The following DGKE variants were observed in gnomAD, a reference collection of about 807,000 sequenced individuals.
The protein encoded by DGKE is DAG kinase epsilon.
In DGKE, 53 loss-of-function variants were observed where a neutral mutation model predicts 70.0. That is an observed-to-expected ratio of 0.76 (90% CI 0.61 to 0.95). The LOEUF (loss-of-function observed/expected upper bound fraction) is 0.95. Among genes scored for constraint, DGKE ranks in the 40% least tolerant of loss-of-function variants. DGKE has a pLI of 0.00. For missense variants in DGKE, 655 were observed against 706.9 expected, an observed-to-expected ratio of 0.93 and a Z score of 0.83; for synonymous variants, 291 against 257.0, an observed-to-expected ratio of 1.13 and a Z score of -1.27.
chr17:56,848,613 T>G, intron 5 of DGKE, 83 bp from the exon 6 acceptor site: 1 of 1,368,126 alleles, frequency 7.3e-7, no homozygotes. Context: ...CCTTACTGTT[T>G]TGGTCTTATT....
Position 56,862,945 on chromosome 17 carries a change from C to T in DGKE, c.*154C>T. The T allele has an allele frequency of 2.0e-6, 1 of 508,314 alleles. No homozygotes were observed. Among genetic ancestry groups the T allele is most frequent in the Non-Finnish European group, 3.1e-6 (1 of 319,948 alleles). 31.5% of individuals were successfully genotyped at this position (508,314 alleles called of 1,614,324 possible). On this transcript the variant is annotated 3_prime_UTR_variant, in exon 12 of 12. Transcript: ENST00000284061. ...ATTTTTGTAAATAGCATCCCCAAAC[C>T]AGCCAGCCTTCAGTTATTTACAAAT... is the stretch of plus-strand genomic sequence containing the variant.
At chr17:56,848,193 T>C in intron 5 of DGKE, 128 bp downstream of exon 5, 1 of 563,984 alleles carries the variant, frequency 1.8e-6, no homozygotes, top group Non-Finnish European at 2.4e-6. Context: ...AGTCTCGCAC[T>C]GTCACCCAGG....
intron 5 of DGKE, 24 bp downstream of exon 5, chr17:56,848,089 C>A: frequency 2.1e-6 from 3 of 1,447,134 alleles, no homozygotes; most frequent in Non-Finnish European, 1.8e-6. Context: ...AGAACTACTA[C>A]AGAAGGACTT....
At chr17:56,840,391 T>TG (rs1906900149) in intron 2 of DGKE, among the ~76,000 whole-genome samples, 1 of 151,920 alleles carries the variant, frequency 6.6e-6, no homozygotes, top group Non-Finnish European at 1.5e-5. Flanking sequence ...TTGTTGTTGT[T>TG]TTTTGAGACA....
rs752251498 is a variant in DGKE, at chr17:56,861,782, T to C, written c.1285-9T>C. The C allele has an allele frequency of 6.2e-7, 1 of 1,611,172 alleles. No individual in the cohort carries two copies. The highest frequency in any genetic ancestry group is 1.7e-5 in the Admixed American group (1 of 58,734). ...CCTGTAGTCACTATCTATTTGTATT[T>C]CTTTAAAGCTAGAACTGGATGGTGA... On this transcript the variant is annotated splice_polypyrimidine_tract_variant and intron_variant, in intron 9 of 11. Coordinates refer to ENST00000284061, the MANE Select transcript of DGKE (RefSeq NM_003647.3).
Position 56,843,555 on chromosome 17 carries a change from T to C in DGKE, c.465-464T>C, listed in dbSNP as rs577118854. On this transcript the variant is annotated intron_variant, in intron 2 of 11. Coordinates refer to ENST00000284061, the MANE Select transcript of DGKE (RefSeq NM_003647.3). ...CTCACTCCAGCAATCCCAGCACTTA[T>C]GGGAGGCCGAGGTGGGTGGATCATT... 6.6e-4 allele frequency among the ~76,000 whole-genome samples: 101 copies of C among 152,178 alleles called. 1 individual carries two copies. Among genetic ancestry groups the C allele is most frequent in the Middle Eastern group, 6.8e-3 (2 of 292 alleles).
chr17:56,865,553 G>A lies in DGKE; in HGVS notation c.*2762G>A, dbSNP rs1344416332. On this transcript the variant is annotated 3_prime_UTR_variant, in exon 12 of 12. Coordinates refer to ENST00000284061, the MANE Select transcript of DGKE (RefSeq NM_003647.3). ...CTGCTAGTAAAGTTACATGATTTAG[G>A]TGTGTTTTAGGTTTTCTGCAACAAT... 2.0e-5 allele frequency: 3 copies of A among 152,108 alleles called. No individual in the cohort carries two copies. Among genetic ancestry groups the A allele is most frequent in the Non-Finnish European group, 4.4e-5 (3 of 68,004 alleles). The allele number at this position is 152,108 out of a possible 1,614,324, so 9.4% of individuals were successfully genotyped here. A position where few individuals can be genotyped will look rare whatever the true frequency, so the allele number is the denominator to read the frequency against.
chr17:56,834,732 A>G (rs1906456394), intron 1 of DGKE, 46 bp from the exon 2 acceptor site: 18 of 1,491,216 alleles, frequency 1.2e-5, no homozygotes, highest in Admixed American at 3.9e-5. Context: ...GGGGCGGGGA[A>G]GGGATGGCGA....
intron 10 of DGKE, 69 bp downstream of exon 10, chr17:56,861,987 T>TGA: frequency 6.5e-7 from 1 of 1,545,312 alleles, no homozygotes; most frequent in South Asian, 1.3e-5. Context: ...TTTATAGACT[T>TGA]TAACATTTTT....
chr17:56,867,108 A>G lies in DGKE; in HGVS notation c.*4317A>G, dbSNP rs1414276901. 6.6e-6 allele frequency: 1 copy of G among 152,326 alleles called. No individual in the cohort carries two copies. Among genetic ancestry groups the G allele is most frequent in the South Asian group, 2.1e-4 (1 of 4,830 alleles). 9.4% of individuals were successfully genotyped at this position (152,326 alleles called of 1,614,324 possible). On this transcript the variant is annotated 3_prime_UTR_variant, in exon 12 of 12. Coordinates refer to ENST00000284061, the MANE Select transcript of DGKE (RefSeq NM_003647.3). Reference sequence around the variant, plus strand: ...TATGTAAATACACATCAATACATATATATTTACCCATGTGGCCCTGTGTAG... The same window carrying G: ...TATGTAAATACACATCAATACATATGTATTTACCCATGTGGCCCTGTGTAG...
Position 56,848,733 on chromosome 17 carries a change from C to T in DGKE, c.926C>T (p.Pro309Leu). 1.2e-6 allele frequency: 2 copies of T among 1,614,090 alleles called. No homozygotes were observed. Among genetic ancestry groups the T allele is most frequent in the Non-Finnish European group, 1.7e-6 (2 of 1,179,986 alleles). ...EKYIPQVAVL[P>L]LGTGNDLSNT... ...TACATTCCACAAGTTGCAGTTTTGC[C>T]TCTGGGAACAGGCAACGATCTATCC... is the stretch of plus-strand genomic sequence containing the variant. The change falls in exon 6 of 12, where the codon CCT becomes CTT. Residue 309 changes from proline to leucine, a missense_variant. Transcript: ENST00000284061.
chr17:56,853,220 G>T lies in DGKE; in HGVS notation c.1099-3292G>T, dbSNP rs147524722. On this transcript the variant is annotated intron_variant, in intron 7 of 11. Transcript: ENST00000284061. ...CCTTATCGAGTGTATAATTTACAGA[G>T]ATTTTCTCCCAAGCTGTGGGTTGCC... 7.2e-5 allele frequency among the ~76,000 whole-genome samples: 11 copies of T among 152,242 alleles called. No homozygotes were observed. The East Asian group carries it at 2.1e-3, about 29-fold the overall frequency.
Position 56,866,095 on chromosome 17 carries a change from G to T in DGKE, c.*3304G>T, listed in dbSNP as rs1483919641. The stretch of plus-strand genomic sequence containing the variant: ...GATATTTAAAAAGAAAGAAAAGGTT[G>T]TTTATCCCAATCTGAATTCATTCTC... On this transcript the variant is annotated 3_prime_UTR_variant, in exon 12 of 12. Coordinates refer to ENST00000284061, the MANE Select transcript of DGKE (RefSeq NM_003647.3). 1 of 152,180 alleles carries T rather than the reference G, an allele frequency of 6.6e-6. No homozygotes were observed. Among genetic ancestry groups the T allele is most frequent in the Non-Finnish European group, 1.5e-5 (1 of 68,028 alleles). 9.4% of individuals were successfully genotyped at this position (152,180 alleles called of 1,614,324 possible).
At position 56,869,455 on chromosome 17, in the gene DGKE, A is replaced by C. The variant is rs1908663111; in HGVS notation, c.*6664A>C. 6.6e-6 allele frequency: 1 copy of C among 152,186 alleles called. No homozygotes were observed. The highest frequency in any genetic ancestry group is 2.4e-5 in the African/African-American group (1 of 41,448). The allele number at this position is 152,186 out of a possible 1,614,324, so 9.4% of individuals were successfully genotyped here. On this transcript the variant is annotated 3_prime_UTR_variant, in exon 12 of 12. Transcript: ENST00000284061. ...TGTACTGTGGCATGTAACATCTTTT[A>C]TTCATTTTATTAGGCATTAGAGGAA...
At chr17:56,841,095 A>G (rs1439279945) in intron 2 of DGKE, among the ~76,000 whole-genome samples, 1 of 152,040 alleles carries the variant, frequency 6.6e-6, no homozygotes, top group Non-Finnish European at 1.5e-5. Flanking sequence ...TACTAAAAAT[A>G]CAAAAATTAG....
At chr17:56,843,950 ATTG>A in intron 2 of DGKE, 66 bp from the exon 3 acceptor site, 1 of 1,408,546 alleles carries the variant, frequency 7.1e-7, no homozygotes, top group Non-Finnish European at 9.5e-7. Context: ...AACAAAAATG[ATTG>A]TTTTGTGGGT....
At chr17:56,841,152 G>C (rs554252718) in intron 2 of DGKE, among the ~76,000 whole-genome samples, 1 of 151,804 alleles carries the variant, frequency 6.6e-6, no homozygotes, top group Non-Finnish European at 1.5e-5. Context: ...TCAGGAGGCT[G>C]AGGCAGGAGA....
At chr17:56,846,811 T>C (rs1907314695) in intron 4 of DGKE, among the ~76,000 whole-genome samples, 1 of 152,152 alleles carries the variant, frequency 6.6e-6, no homozygotes, top group Non-Finnish European at 1.5e-5. Flanking sequence ...TCAGTTCTCT[T>C]TTTTCTTGTT....
At chr17:56,835,360 A>C in intron 2 of DGKE, 101 bp downstream of exon 2, 1 of 1,259,002 alleles carries the variant, frequency 7.9e-7, no homozygotes, top group South Asian at 1.5e-5. Context: ...TGATGACCTA[A>C]ACTCATTTTG....
Sources: allele counts gnomAD v4.1 joint callset (sites outside exome capture counted in the v4.1 genomes callset), GRCh38; gene constraint gnomAD v4.1.1; transcripts MANE v1.5; gene names NCBI Gene and HGNC (gene_info 2026-07-23, HGNC 2026-07-21).